The following FGD4 variants were observed in gnomAD, a reference collection of about 807,000 sequenced individuals.
FGD4 encodes the protein FYVE, RhoGEF and PH domain containing 4.
A neutral mutation model predicts 102.0 loss-of-function variants in FGD4; 42 were observed. That is an observed-to-expected ratio of 0.41 (90% confidence interval 0.32 to 0.53). The LOEUF (loss-of-function observed/expected upper bound fraction) is 0.53. Among genes scored for constraint, FGD4 ranks in the 20% least tolerant of loss-of-function variants. The probability of loss-of-function intolerance (pLI) is 0.21; values close to 1 mark genes in which losing one functional copy is unlikely to be tolerated. For missense variants in FGD4, 902 were observed against 1,078.2 expected (o/e 0.84, Z 2.29); for synonymous variants, 380 against 375.7 (o/e 1.01, Z -0.13).
chr12:32,549,711 G>A (rs1565828350), intron 1 of FGD4, among the ~76,000 whole-genome samples: 3 of 152,164 alleles, frequency 2.0e-5, no homozygotes, highest in South Asian at 4.1e-4. Context: ...GTTTAGGGAC[G>A]GCTGAGGCCA....
intron 11 of FGD4, among the ~76,000 whole-genome samples, chr12:32,623,497 A>T: frequency 6.6e-6 from 1 of 152,162 alleles, no homozygotes; most frequent in East Asian, 1.9e-4. Flanking sequence ...GGAAAGATAG[A>T]TCGTGACACA....
At chr12:32,489,185 CACATAAGTCTT>C (rs772774989) in intron 1 of FGD4, among the ~76,000 whole-genome samples, 136 of 152,286 alleles carry the variant, frequency 8.9e-4, no homozygotes, top group Non-Finnish European at 1.7e-3. Flanking sequence ...GCCTGTAGTG[CACATAAGTCTT>C]CTAAGGATCA....
chr12:32,421,083 C>T (rs1941609017), intron 1 of FGD4, among the ~76,000 whole-genome samples: 1 of 152,072 alleles, frequency 6.6e-6, no homozygotes, highest in Non-Finnish European at 1.5e-5. Flanking sequence ...TCTACCAACA[C>T]TGTCAGAAAG....
intron 1 of FGD4, among the ~76,000 whole-genome samples, chr12:32,471,660 GTTC>G (rs144186555): frequency 0.038 from 5,751 of 152,236 alleles, 161 homozygotes; most frequent in South Asian, 0.12. Context: ...TGACCAAGCT[GTTC>G]TTCTGGTTCA....
intron 1 of FGD4, among the ~76,000 whole-genome samples, chr12:32,481,708 C>G (rs1470666901): frequency 6.6e-6 from 1 of 151,818 alleles, no homozygotes; most frequent in East Asian, 1.9e-4. Flanking sequence ...GCAGTCCTAG[C>G]TACTTGGGAG....
chr12:32,629,506 A>G (rs1309207107), intron 14 of FGD4, among the ~76,000 whole-genome samples: 2 of 152,228 alleles, frequency 1.3e-5, no homozygotes, highest in Non-Finnish European at 2.9e-5. Flanking sequence ...ATGGACTCAT[A>G]GAAAAGTTAT....
intron 11 of FGD4, among the ~76,000 whole-genome samples, chr12:32,623,359 A>T (rs1949958703): frequency 1.3e-5 from 2 of 152,150 alleles, no homozygotes; most frequent in Non-Finnish European, 2.9e-5. Flanking sequence ...ATTTAAAAAA[A>T]ATTTTTTTTT....
At position 32,595,984 on chromosome 12, in the gene FGD4, T is replaced by G. The variant is rs78354151; in HGVS notation, c.1012-2513T>G. 3.5e-4 allele frequency among the ~76,000 whole-genome samples: 54 copies of G among 152,346 alleles called. No individual in the cohort carries two copies. In the East Asian group the frequency reaches 8.3e-3, roughly 23 times the overall value. ...AAAGCATGAAGTAGATCTCATGTGG[T>G]GAACATAGTGAAGTATTCATAGAAC... On this transcript the variant is annotated intron_variant, in intron 4 of 16. Transcript: ENST00000534526.
chr12:32,557,291 A>G (rs1212847124), intron 1 of FGD4, among the ~76,000 whole-genome samples: 2 of 152,230 alleles, frequency 1.3e-5, no homozygotes, highest in East Asian at 3.8e-4. Flanking sequence ...CAAAATATGA[A>G]AATTCTCATT....
intron 1 of FGD4, among the ~76,000 whole-genome samples, chr12:32,454,574 A>T (rs1942900264): frequency 6.6e-6 from 1 of 152,224 alleles, no homozygotes; most frequent in South Asian, 2.1e-4. Context: ...TTTTTTAAAA[A>T]TCGCTAATGC....
At chr12:32,410,606 A>G (rs772677250) in intron 1 of FGD4, among the ~76,000 whole-genome samples, 1 of 152,230 alleles carries the variant, frequency 6.6e-6, no homozygotes, top group Non-Finnish European at 1.5e-5. Flanking sequence ...GGGAGCCCAC[A>G]GTCAACTTTG....
In FGD4 at chr12:32,645,459, T is replaced by G. The variant is rs1339341740; in HGVS notation, c.*4926T>G. ...GAGTTTGAGACCAGCCTGGCCAACA[T>G]GGTGAAACCCTGTCTCTACTAAATA... On this transcript the variant is annotated 3_prime_UTR_variant, in exon 17 of 17. Transcript: ENST00000534526. The G allele has an allele frequency of 1.3e-5, 2 of 151,830 alleles. No individual in the cohort carries two copies. The allele number at this position is 151,830 out of a possible 1,614,324, so 9.4% of individuals were successfully genotyped here.
At chr12:32,408,700 G>A (rs1317027153) in intron 1 of FGD4, among the ~76,000 whole-genome samples, 1 of 152,176 alleles carries the variant, frequency 6.6e-6, no homozygotes, top group Non-Finnish European at 1.5e-5. Context: ...CTTTTGGACT[G>A]GCTTGTGTTT....
rs889786857 is a variant in FGD4, at chr12:32,642,447, C to G, written c.*1914C>G. ...GGGAAGAGGACTTTTGTAAGTGTGA[C>G]TAGAACAATGGTAATGTATGGGCCA... is the stretch of plus-strand genomic sequence containing the variant. On this transcript the variant is annotated 3_prime_UTR_variant, in exon 17 of 17. Transcript: ENST00000534526. The G allele has an allele frequency of 6.6e-6, 1 of 151,926 alleles. No individual in the cohort carries two copies. The highest frequency in any genetic ancestry group is 1.5e-5 in the Non-Finnish European group (1 of 67,922). 9.4% of individuals were successfully genotyped at this position (151,926 alleles called of 1,614,324 possible).
chr12:32,498,796 T>C (rs886474227), intron 1 of FGD4, among the ~76,000 whole-genome samples: 1 of 152,102 alleles, frequency 6.6e-6, no homozygotes, highest in Non-Finnish European at 1.5e-5. Flanking sequence ...AGAGACAGGG[T>C]TTCACCATGT....
chr12:32,565,693 G>A (rs762880815), intron 2 of FGD4, among the ~76,000 whole-genome samples: 4 of 152,130 alleles, frequency 2.6e-5, no homozygotes, highest in Non-Finnish European at 4.4e-5. Context: ...AGTTGCATGT[G>A]CCAAAATAAT....
intron 6 of FGD4, among the ~76,000 whole-genome samples, chr12:32,601,647 A>G (rs561636780): frequency 6.6e-6 from 1 of 152,352 alleles, no homozygotes; most frequent in South Asian, 2.1e-4. Context: ...TGGAGCTTCA[A>G]GAATTCCGGA....
At chr12:32,563,065 G>A (rs1343099706) in intron 1 of FGD4, among the ~76,000 whole-genome samples, 11 of 147,974 alleles carry the variant, frequency 7.4e-5, no homozygotes, top group African/African-American at 1.2e-4. Flanking sequence ...CCTCCCTCCC[G>A]GACGGGGCGG....
rs769594154 is a variant in FGD4 at position 32,576,347 on chromosome 12, C to T, written c.401C>T (p.Ala134Val). The change falls in exon 3 of 17, where the codon GCA (alanine) becomes GTA (valine). Residue 134 changes from alanine (A) to valine (V), a missense_variant. Around this residue, in one of 2 missense-constraint regions of FGD4, gnomAD observed 443 missense variants for 459.2 expected, o/e 0.96. Coordinates refer to ENST00000534526, the MANE Select transcript of FGD4 (RefSeq NM_001370298.3). ...CCCAGGCATAAAGCTTTACCTAGTG[C>T]AAAACCAAGGATGGAGGAAATTAAA... Reference protein sequence around the residue: ...QTPRHKALPSAKPRMEEIKPA... With the variant: ...QTPRHKALPSVKPRMEEIKPA... The T allele has an allele frequency of 6.2e-7, 1 of 1,614,098 alleles. No individual in the cohort carries two copies.
Sources: allele counts gnomAD v4.1 joint callset (sites outside exome capture counted in the v4.1 genomes callset), GRCh38; gene constraint gnomAD v4.1.1; regional missense constraint gnomAD v4.1.1; transcripts MANE v1.5; gene names NCBI Gene and HGNC (gene_info 2026-07-23, HGNC 2026-07-21).